Variants in SH2D4B observed in about 807,000 individuals in gnomAD.
SH2D4B encodes SH2 domain-containing protein 4B.
Under a neutral mutation model 61.5 loss-of-function variants are expected in SH2D4B, and 45 were observed. The observed-to-expected ratio is 0.73, with a 90% CI of 0.58 to 0.94. SH2D4B has a LOEUF of 0.94. Among genes scored for constraint, SH2D4B ranks in the 40% least tolerant of loss-of-function variants. The pLI, the probability that SH2D4B is intolerant of heterozygous loss-of-function variation, is 0.00. For missense variants in SH2D4B, 572 were observed against 574.2 expected (o/e 1.00, Z 0.04); for synonymous variants, 224 against 220.4 (o/e 1.02, Z -0.14).
At chr10:80,605,584 C>T (rs962783021) in intron 5 of SH2D4B, among the ~76,000 whole-genome samples, 18 of 152,134 alleles carry the variant, frequency 1.2e-4, no homozygotes, top group African/African-American at 4.1e-4. Flanking sequence ...GCACCATCTT[C>T]GGTCACTCAC....
intron 7 of SH2D4B, among the ~76,000 whole-genome samples, 197 bp downstream of exon 7, chr10:80,634,702 GCTTCA>G (rs1253996592): frequency 6.6e-6 from 1 of 152,134 alleles, no homozygotes; most frequent in Admixed American, 6.5e-5. Context: ...TCTGCTCTCT[GCTTCA>G]CTCTCTGGGG....
chr10:80,582,947 A>G (rs778307958), intron 3 of SH2D4B, among the ~76,000 whole-genome samples: 1 of 152,174 alleles, frequency 6.6e-6, no homozygotes, highest in Non-Finnish European at 1.5e-5. Flanking sequence ...GGGTCCTGCA[A>G]CATGGCTGGT....
intron 6 of SH2D4B, 104 bp downstream of exon 6, chr10:80,609,655 G>A (rs74143200): frequency 0.053 from 82,081 of 1,546,192 alleles, 2,910 homozygotes; most frequent in African/African-American, 0.17. Flanking sequence ...AGGGGGCAGA[G>A]GACTTTAAGC....
intron 6 of SH2D4B, among the ~76,000 whole-genome samples, chr10:80,613,727 G>A (rs1265317456): frequency 6.6e-6 from 1 of 152,218 alleles, no homozygotes. Flanking sequence ...TGTAGACAGT[G>A]CAGGGATCCC....
intron 3 of SH2D4B, among the ~76,000 whole-genome samples, chr10:80,583,817 G>A (rs1002707187): frequency 6.6e-6 from 1 of 152,124 alleles, no homozygotes; most frequent in Non-Finnish European, 1.5e-5. Context: ...GAAATGCTAA[G>A]CAAAGATGTA....
Position 80,638,381 on chromosome 10 carries a change from C to G in SH2D4B, c.1209+3876C>G, listed in dbSNP as rs150057920. Among the ~76,000 whole-genome samples the G allele has an allele frequency of 7.3e-4, 111 of 152,246 alleles. 1 individual carries two copies. In the East Asian group the frequency reaches 0.018, roughly 25 times the overall value. ...GAATGGAACCAGCTCCTCGTTGTAC[C>G]TCTGGTAGAATTTAGCTGTGAATCC... is the stretch of plus-strand genomic sequence containing the variant. On this transcript the variant is annotated intron_variant, in intron 7 of 7. Coordinates refer to ENST00000646907, the MANE Select transcript of SH2D4B (RefSeq NM_001388272.1).
At chr10:80,587,344 G>A (rs1439396491) in intron 3 of SH2D4B, among the ~76,000 whole-genome samples, 6 of 151,776 alleles carry the variant, frequency 4.0e-5, no homozygotes, top group African/African-American at 1.2e-4. Flanking sequence ...GCAGTGGTGC[G>A]ATCTCAGCTC....
intron 1 of SH2D4B, among the ~76,000 whole-genome samples, chr10:80,550,629 CCTA>C (rs1841748048): frequency 6.6e-6 from 1 of 152,012 alleles, no homozygotes; most frequent in Non-Finnish European, 1.5e-5. Flanking sequence ...TATTTTATGT[CCTA>C]CTAAGAAAGC....
chr10:80,604,357 A>AC (rs572538560), intron 5 of SH2D4B, among the ~76,000 whole-genome samples: 154 of 152,254 alleles, frequency 1.0e-3, no homozygotes, highest in African/African-American at 3.4e-3. Context: ...AATTGCCAGG[A>AC]CCAAAGGTTA....
chr10:80,542,173 G>A (rs917424339), intron 1 of SH2D4B, among the ~76,000 whole-genome samples: 5 of 151,982 alleles, frequency 3.3e-5, no homozygotes, highest in Admixed American at 1.3e-4. Flanking sequence ...GCATGGCCAC[G>A]ACCTGTGCAA....
chr10:80,609,083 ACCCCCT>A (rs1842558522), intron 5 of SH2D4B, among the ~76,000 whole-genome samples: 2 of 151,698 alleles, frequency 1.3e-5, no homozygotes, highest in African/African-American at 4.8e-5. Flanking sequence ...TCCCTCAGAC[ACCCCCT>A]CCTAGCCTCT....
rs534861376 is a variant in SH2D4B at position 80,539,165 on chromosome 10, T to C, written c.184+650T>C. Reference sequence around the variant, plus strand: ...TTCAGGTGTTTTGTATGCAAAGTCATGTGCCAGTCAATCCTATGGACTGGT... The same window carrying C: ...TTCAGGTGTTTTGTATGCAAAGTCACGTGCCAGTCAATCCTATGGACTGGT... On this transcript the variant is annotated intron_variant, in intron 1 of 7. Transcript: ENST00000646907. The surrounding 1 kb of genome is among the most constrained non-coding windows in gnomAD (Gnocchi z 4.9). Among the ~76,000 whole-genome samples, 1 of 152,230 alleles carries C rather than the reference T, an allele frequency of 6.6e-6. No homozygotes were observed. The highest frequency in any genetic ancestry group is 1.5e-5 in the Non-Finnish European group (1 of 68,038).
intron 1 of SH2D4B, among the ~76,000 whole-genome samples, chr10:80,560,235 C>A (rs1841886580): frequency 6.6e-6 from 1 of 152,068 alleles, no homozygotes; most frequent in Non-Finnish European, 1.5e-5. Flanking sequence ...GATCCACCTA[C>A]CTCGGCCTCC....
Position 80,591,136 on chromosome 10 carries a change from A to G in SH2D4B, c.643+2359A>G, listed in dbSNP as rs188898763. On this transcript the variant is annotated intron_variant, in intron 4 of 7. Coordinates refer to ENST00000646907, the MANE Select transcript of SH2D4B (RefSeq NM_001388272.1). ...GCATATACCACATTGTTGTTTGTCC[A>G]CTTAACAGTTGATGAACATTTGGGT... 3.3e-5 allele frequency among the ~76,000 whole-genome samples: 5 copies of G among 152,072 alleles called. 1 individual carries two copies. The highest frequency in any genetic ancestry group is 1.2e-4 in the African/African-American group (5 of 41,488).
At chr10:80,561,071 G>A (rs1258805679) in intron 1 of SH2D4B, among the ~76,000 whole-genome samples, 1 of 152,198 alleles carries the variant, frequency 6.6e-6, no homozygotes, top group Admixed American at 6.5e-5. Flanking sequence ...TATGATGAGT[G>A]TTTTGAGAAA....
intron 4 of SH2D4B, among the ~76,000 whole-genome samples, chr10:80,590,671 C>A (rs1842315106): frequency 6.6e-6 from 1 of 152,060 alleles, no homozygotes; most frequent in African/African-American, 2.4e-5. Flanking sequence ...TTCTGGTCCT[C>A]AGCATGTCTT....
At chr10:80,575,227 T>C (rs890845355) in intron 3 of SH2D4B, among the ~76,000 whole-genome samples, 1 of 151,650 alleles carries the variant, frequency 6.6e-6, no homozygotes, top group African/African-American at 2.4e-5. Flanking sequence ...ATTGGTGAAT[T>C]TAAATGGAGA....
intron 7 of SH2D4B, among the ~76,000 whole-genome samples, chr10:80,637,160 G>A (rs1420463126): frequency 2.6e-5 from 4 of 152,038 alleles, no homozygotes; most frequent in Admixed American, 2.0e-4. Flanking sequence ...CTCTGTTTTG[G>A]TACCAGTACC....
intron 1 of SH2D4B, among the ~76,000 whole-genome samples, chr10:80,542,391 GTTCT>G (rs1841592487): frequency 7.3e-6 from 1 of 137,284 alleles, no homozygotes; most frequent in Non-Finnish European, 1.5e-5. Flanking sequence ...GGACCTGTCA[GTTCT>G]ATCTTTTTTT....
Sources: gnomAD v4.1 joint callset for allele counts (sites outside exome capture counted in the v4.1 genomes callset) on GRCh38, gnomAD v4.1.1 for gene constraint, Gnocchi (gnomAD v3.1) non-coding constraint, MANE v1.5 for transcripts, NCBI Gene and HGNC (gene_info 2026-07-23, HGNC 2026-07-21) for gene names.